DISC1: variants seen among roughly 807,000 people sequenced by gnomAD.
DISC1 encodes disrupted in schizophrenia 1 protein.
A neutral mutation model predicts 84.5 loss-of-function variants in DISC1; 57 were observed. That is an observed-to-expected ratio of 0.67 (90% CI 0.55 to 0.84). The LOEUF is 0.84. Ranked by LOEUF, DISC1 falls within the 40% of genes least tolerant of loss-of-function variation. DISC1 has a pLI of 0.00. For synonymous variants in DISC1, 411 were observed against 415.2 expected, an observed-to-expected ratio of 0.99 and a Z score of 0.12; for missense variants, 1,000 against 1,057.8, an observed-to-expected ratio of 0.95 and a Z score of 0.76.
chr1:231,808,026 A>G (rs2079891050), intron 8 of DISC1, among the ~76,000 whole-genome samples: 1 of 152,168 alleles, frequency 6.6e-6, no homozygotes, highest in Non-Finnish European at 1.5e-5. Context: ...AAGGACTTCC[A>G]ATGTATGGCC....
Position 232,009,178 on chromosome 1 carries a change from A to G in DISC1, c.2307+129A>G, listed in dbSNP as rs1667803960. The G allele has an allele frequency of 8.1e-6, 12 of 1,474,920 alleles. No homozygotes were observed. The highest frequency in any genetic ancestry group is 1.1e-5 in the Non-Finnish European group (12 of 1,110,252). The allele number at this position is 1,474,920 out of a possible 1,614,324, so 91.4% of individuals were successfully genotyped here. A position where few individuals can be genotyped will look rare whatever the true frequency, so the allele number is the denominator to read the frequency against. On this transcript the variant is annotated intron_variant, in intron 11 of 12. Transcript: ENST00000439617. This position sits in a 1 kb window ranked among gnomAD's most constrained non-coding sequence, Gnocchi z 4.6. ...GAGCATATAAACTTTTAAAAGTTTC[A>G]ATAACTCTTGAATATGATTACAAAA... is the stretch of plus-strand genomic sequence containing the variant.
At chr1:231,692,049 T>C (rs887494456) in intron 1 of DISC1, among the ~76,000 whole-genome samples, 1 of 152,230 alleles carries the variant, frequency 6.6e-6, no homozygotes, top group African/African-American at 2.4e-5. Flanking sequence ...GCAAAGGGAA[T>C]TGAAAGGGCA....
chr1:231,838,602 C>T (rs1430798741), intron 9 of DISC1, among the ~76,000 whole-genome samples: 2 of 152,198 alleles, frequency 1.3e-5, no homozygotes, highest in Non-Finnish European at 2.9e-5. Flanking sequence ...AAGCTGTTAA[C>T]ATTGGGTGAA....
chr1:231,644,739 T>G (rs2059989278), intron 1 of DISC1, among the ~76,000 whole-genome samples: 2 of 152,150 alleles, frequency 1.3e-5, no homozygotes, highest in South Asian at 4.1e-4. Context: ...TCCTTTTCAC[T>G]TCTGTCCTCT....
chr1:231,683,936 CTG>C (rs148893269), intron 1 of DISC1, among the ~76,000 whole-genome samples: 224 of 152,174 alleles, frequency 1.5e-3, no homozygotes, highest in African/African-American at 5.1e-3. Flanking sequence ...GCCTTTCACA[CTG>C]TGCTTGCTGT....
At chr1:231,865,110 C>T (rs540342539) in intron 9 of DISC1, among the ~76,000 whole-genome samples, 2 of 152,330 alleles carry the variant, frequency 1.3e-5, no homozygotes, top group South Asian at 4.1e-4. Flanking sequence ...CCAGAGAACT[C>T]ACTCCATTTG....
chr1:232,039,433 C>T lies in DISC1; in HGVS notation c.*2602C>T, dbSNP rs1036302524. The T allele has an allele frequency of 6.6e-6, 1 of 152,128 alleles. No individual in the cohort carries two copies. The highest frequency in any genetic ancestry group is 2.4e-5 in the African/African-American group (1 of 41,418). 9.4% of individuals were successfully genotyped at this position (152,128 alleles called of 1,614,324 possible). ...ATTGTTTGAACCCGAAATAAGGGTTCTTTGGTACCTCTAGTAGATAGTGTG... is the reference window on the plus strand; with the variant it reads ...ATTGTTTGAACCCGAAATAAGGGTTTTTTGGTACCTCTAGTAGATAGTGTG... On this transcript the variant is annotated 3_prime_UTR_variant, in exon 13 of 13. Transcript: ENST00000439617.
At position 231,727,497 on chromosome 1, in the gene DISC1, A is replaced by C. The variant is rs1244771814; in HGVS notation, c.1118-22429A>C. Among the ~76,000 whole-genome samples the C allele has an allele frequency of 2.6e-5, 4 of 152,132 alleles. No homozygotes were observed. In the East Asian group the frequency reaches 7.7e-4, roughly 29 times the overall value. ...TTTGAAGAAGTAAACACTGGGCAAG[A>C]CTGGCCATTAATTCCTCCTCTATTT... On this transcript the variant is annotated intron_variant, in intron 3 of 12. Transcript: ENST00000439617.
In DISC1 at chr1:231,771,028, G is replaced by C; in HGVS notation, c.1592G>C (p.Gly531Ala). Reference protein sequence around the residue: ...KALQDTLASAGQIPFHAEPPE... With the variant: ...KALQDTLASAAQIPFHAEPPE... ...TTGCAGGACACCCTGGCCTCAGCCGGTCAGATTCCCTTCCATGCAGAGCCA... is the reference window on the plus strand; with the variant it reads ...TTGCAGGACACCCTGGCCTCAGCCGCTCAGATTCCCTTCCATGCAGAGCCA... Residue 531 changes from glycine (G) to alanine (A), a missense_variant, in exon 6 of 13, where the codon GGT becomes GCT. Gly to Ala is a moderately conservative substitution (Grantham distance 60). Around this residue, in one of 3 missense-constraint regions of DISC1, gnomAD observed 397 missense variants for 377.5 expected, o/e 1.05. Coordinates refer to ENST00000439617, the MANE Select transcript of DISC1 (RefSeq NM_018662.3). The C allele has an allele frequency of 6.2e-7, 1 of 1,610,818 alleles. No individual in the cohort carries two copies. Among genetic ancestry groups the C allele is most frequent in the Non-Finnish European group, 8.5e-7 (1 of 1,178,426 alleles).
rs527454594 is a variant in DISC1, at chr1:231,731,021, G to C, written c.1118-18905G>C. Reference sequence around the variant, plus strand: ...AAATCACAGTTTTTTGTGTAGGCATGATCTATCACATTTCCCTGTATAACC... The same window carrying C: ...AAATCACAGTTTTTTGTGTAGGCATCATCTATCACATTTCCCTGTATAACC... On this transcript the variant is annotated intron_variant, in intron 3 of 12. Transcript: ENST00000439617. Among the ~76,000 whole-genome samples, 299 of 152,104 alleles carry C rather than the reference G, an allele frequency of 2.0e-3. 2 individuals carry two copies. Among genetic ancestry groups the C allele is most frequent in the African/African-American group, 7.1e-3 (295 of 41,516 alleles).
At chr1:231,875,227 TG>T (rs1473965686) in intron 9 of DISC1, among the ~76,000 whole-genome samples, 2 of 152,108 alleles carry the variant, frequency 1.3e-5, no homozygotes, top group Non-Finnish European at 2.9e-5. Context: ...TGGTCAGTGA[TG>T]GGGAGAGGAG....
intron 9 of DISC1, among the ~76,000 whole-genome samples, chr1:231,830,084 A>G (rs2082121891): frequency 6.6e-6 from 1 of 152,158 alleles, no homozygotes; most frequent in Non-Finnish European, 1.5e-5. Context: ...GAGGCCTGAC[A>G]TTCCTGTCTT....
chr1:231,996,235 A>G lies in DISC1; in HGVS notation c.2043-12550A>G, dbSNP rs191911301. 3.9e-5 allele frequency among the ~76,000 whole-genome samples: 6 copies of G among 151,992 alleles called. No homozygotes were observed. In the East Asian group the frequency reaches 1.2e-3, roughly 29 times the overall value. On this transcript the variant is annotated intron_variant, in intron 10 of 12. Transcript: ENST00000439617. ...TGTTTGTGTTCATTGTAGATTCTGG[A>G]TATTAGCCATTTGTCAGATGAGTAG... is the stretch of plus-strand genomic sequence containing the variant.
intron 3 of DISC1, chr1:231,745,484 A>G: frequency 4.3e-6 from 1 of 231,410 alleles, no homozygotes; most frequent in Non-Finnish European, 9.5e-6. Flanking sequence ...GGCCTCCCAA[A>G]GTGCTGGGAT....
intron 3 of DISC1, among the ~76,000 whole-genome samples, chr1:231,703,836 G>C (rs1012838689): frequency 3.9e-5 from 6 of 152,208 alleles, no homozygotes; most frequent in African/African-American, 1.4e-4. Context: ...TTCAGGGTGG[G>C]CTCAGCATTC....
chr1:231,669,383 T>G (rs887233098), intron 1 of DISC1, among the ~76,000 whole-genome samples: 8 of 152,136 alleles, frequency 5.3e-5, no homozygotes, highest in African/African-American at 1.9e-4. Context: ...TTGGATCTAA[T>G]TAAACTTAAG....
chr1:231,861,394 C>T (rs141403661), intron 9 of DISC1, among the ~76,000 whole-genome samples: 2 of 150,366 alleles, frequency 1.3e-5, no homozygotes, highest in Non-Finnish European at 3.0e-5. Context: ...GGCCTCCCAA[C>T]GTGCTGAGAT....
intron 9 of DISC1, among the ~76,000 whole-genome samples, chr1:231,863,315 C>T (rs1248251559): frequency 7.1e-6 from 1 of 140,472 alleles, no homozygotes; most frequent in Non-Finnish European, 1.5e-5. Flanking sequence ...ACTGCGGTCT[C>T]TGCCTCCCAG....
intron 9 of DISC1, among the ~76,000 whole-genome samples, chr1:231,886,801 T>TTC (rs1558692286): frequency 4.2e-5 from 6 of 143,604 alleles, no homozygotes; most frequent in Non-Finnish European, 9.0e-5. Flanking sequence ...CTTTCTTTCT[T>TTC]TCTTTCTTTC....
Sources: allele counts gnomAD v4.1 joint callset (sites outside exome capture counted in the v4.1 genomes callset), GRCh38; gene constraint gnomAD v4.1.1; regional missense constraint gnomAD v4.1.1; non-coding constraint Gnocchi (gnomAD v3.1); transcripts MANE v1.5; gene names NCBI Gene and HGNC (gene_info 2026-07-23, HGNC 2026-07-21).